Variants in PCDH9 observed in about 807,000 individuals in gnomAD.
PCDH9 encodes protocadherin-9.
A neutral mutation model predicts 70.6 loss-of-function variants in PCDH9; 24 were observed. The observed-to-expected ratio is 0.34, with a 90% CI of 0.25 to 0.48. The LOEUF is 0.48. Ranked by LOEUF, PCDH9 falls within the 20% of genes least tolerant of loss-of-function variation. The pLI is 0.99. For synonymous variants in PCDH9, 562 were observed against 558.5 expected (o/e 1.01, Z -0.09); for missense variants, 1,281 against 1,503.6 (o/e 0.85, Z 2.45).
intron 4 of PCDH9, among the ~76,000 whole-genome samples, chr13:66,576,905 T>C (rs1441183402): frequency 6.6e-6 from 1 of 152,096 alleles, no homozygotes; most frequent in Non-Finnish European, 1.5e-5. Flanking sequence ...CAGTGCAGTA[T>C]ATTTATTTTT....
chr13:66,405,873 TTTACTCCTCCAAATG>T (rs1313093577), intron 4 of PCDH9, among the ~76,000 whole-genome samples: 3 of 151,982 alleles, frequency 2.0e-5, no homozygotes, highest in Non-Finnish European at 4.4e-5. Context: ...AGTGCCCCCT[TTTACTCCTCCAAATG>T]CCCTAGTTTC....
At chr13:66,802,123 G>GA (rs1308174117) in intron 3 of PCDH9, among the ~76,000 whole-genome samples, 7 of 148,394 alleles carry the variant, frequency 4.7e-5, no homozygotes, top group Admixed American at 2.0e-4. Context: ...TATTAATCAG[G>GA]TTTTTTTTTT....
intron 4 of PCDH9, among the ~76,000 whole-genome samples, chr13:66,354,938 T>C (rs1351481772): frequency 6.6e-6 from 1 of 152,136 alleles, no homozygotes; most frequent in Non-Finnish European, 1.5e-5. Flanking sequence ...TGCATACAAG[T>C]TGCTAAAACC....
At chr13:66,882,527 T>C (rs1348687874) in intron 3 of PCDH9, among the ~76,000 whole-genome samples, 2 of 152,188 alleles carry the variant, frequency 1.3e-5, no homozygotes, top group Non-Finnish European at 2.9e-5. Context: ...AAATTGATTG[T>C]ATTTATACTT....
chr13:66,526,446 C>T (rs9529083), intron 4 of PCDH9, among the ~76,000 whole-genome samples: 36,811 of 151,876 alleles, frequency 0.24, 4,871 homozygotes, highest in East Asian at 0.34. Flanking sequence ...AGCTAAAATG[C>T]TTGAAAATCA....
chr13:67,066,239 C>CT lies in PCDH9; in HGVS notation c.3036+159165dup, dbSNP rs936272725. On this transcript the variant is annotated intron_variant, in intron 2 of 4. Coordinates refer to ENST00000377865, the MANE Select transcript of PCDH9 (RefSeq NM_203487.3). ...AACAGCAGGCCATAATTTGGGTCAG[C>CT]TTTTTTTTTTTTAGACAGAGTTTCA... Among the ~76,000 whole-genome samples the CT allele has an allele frequency of 3.1e-3, 440 of 143,894 alleles. 1 individual carries two copies. Among genetic ancestry groups the CT allele is most frequent in the South Asian group, 5.3e-3 (24 of 4,524 alleles). The allele number at this position is 143,894 out of a possible 152,430, so 94.4% of individuals were successfully genotyped here.
intron 2 of PCDH9, among the ~76,000 whole-genome samples, chr13:67,179,823 G>A (rs2088568530): frequency 6.6e-6 from 1 of 151,918 alleles, no homozygotes; most frequent in Non-Finnish European, 1.5e-5. Flanking sequence ...TACTTCTCTT[G>A]GGAATTTCAT....
intron 3 of PCDH9, among the ~76,000 whole-genome samples, chr13:66,843,166 G>A (rs1174393833): frequency 6.6e-6 from 1 of 152,120 alleles, no homozygotes; most frequent in Non-Finnish European, 1.5e-5. Context: ...ATTAAGAAGG[G>A]GTGCTACTGT....
intron 4 of PCDH9, among the ~76,000 whole-genome samples, chr13:66,493,486 TC>T (rs1959065962): frequency 6.6e-6 from 1 of 152,150 alleles, no homozygotes; most frequent in African/African-American, 2.4e-5. Context: ...TTGAAATTAT[TC>T]ACTTATATCT....
intron 3 of PCDH9, among the ~76,000 whole-genome samples, chr13:66,855,768 G>C (rs1050959017): frequency 2.0e-5 from 3 of 151,980 alleles, no homozygotes; most frequent in Non-Finnish European, 2.9e-5. Flanking sequence ...CTGGTTTACT[G>C]TCTTTTCTGT....
At chr13:67,032,246 C>T (rs185837562) in intron 2 of PCDH9, among the ~76,000 whole-genome samples, 1 of 152,276 alleles carries the variant, frequency 6.6e-6, no homozygotes, top group African/African-American at 2.4e-5. Context: ...CGGGCTCAAG[C>T]CATCTTCCCA....
chr13:66,522,027 G>GTA (rs1172774008), intron 4 of PCDH9, among the ~76,000 whole-genome samples: 3 of 74,796 alleles, frequency 4.0e-5, no homozygotes, highest in Non-Finnish European at 7.2e-5. Flanking sequence ...GTATGTGTGT[G>GTA]TATATATACA....
intron 2 of PCDH9, among the ~76,000 whole-genome samples, chr13:67,051,244 T>C (rs930174563): frequency 6.6e-6 from 1 of 152,142 alleles, no homozygotes; most frequent in African/African-American, 2.4e-5. Flanking sequence ...AACACACTAA[T>C]GAAAGGGAAG....
chr13:67,062,777 A>C (rs1339548497), intron 2 of PCDH9, among the ~76,000 whole-genome samples: 4 of 152,182 alleles, frequency 2.6e-5, no homozygotes, highest in Non-Finnish European at 5.9e-5. Flanking sequence ...AGAAATTAGC[A>C]AAACATGCTT....
chr13:66,741,964 A>C (rs533955958), intron 3 of PCDH9, among the ~76,000 whole-genome samples: 1 of 149,982 alleles, frequency 6.7e-6, no homozygotes, highest in African/African-American at 2.5e-5. Context: ...GCTACCAATG[A>C]CTGTCTTCAC....
intron 2 of PCDH9, among the ~76,000 whole-genome samples, chr13:66,948,308 T>C (rs748904656): frequency 1.7e-4 from 26 of 152,240 alleles, no homozygotes; most frequent in Non-Finnish European, 3.5e-4. Flanking sequence ...AGGAATTTAA[T>C]AGATAGCTTG....
At chr13:67,113,735 GA>G (rs2086705230) in intron 2 of PCDH9, among the ~76,000 whole-genome samples, 1 of 152,110 alleles carries the variant, frequency 6.6e-6, no homozygotes, top group African/African-American at 2.4e-5. Context: ...TTTTAGTAGA[GA>G]GGGGGTTTCA....
intron 3 of PCDH9, among the ~76,000 whole-genome samples, chr13:66,788,822 T>C (rs551428396): frequency 6.6e-6 from 1 of 152,180 alleles, no homozygotes; most frequent in African/African-American, 2.4e-5. Context: ...GTTTTTCCTA[T>C]TTATTCTTTC....
At chr13:66,342,716 T>A (rs931995064) in intron 4 of PCDH9, among the ~76,000 whole-genome samples, 1 of 152,104 alleles carries the variant, frequency 6.6e-6, no homozygotes, top group Non-Finnish European at 1.5e-5. Context: ...TTTGAGCGAT[T>A]CTCCCTTCTC....
Sources: gnomAD v4.1 joint callset for allele counts (sites outside exome capture counted in the v4.1 genomes callset) on GRCh38, gnomAD v4.1.1 for gene constraint, MANE v1.5 for transcripts, NCBI Gene and HGNC (gene_info 2026-07-23, HGNC 2026-07-21) for gene names.